The following CPT1A variants were observed in gnomAD, a reference collection of about 807,000 sequenced individuals.
CPT1A encodes carnitine O-palmitoyltransferase 1, liver isoform.
Under a neutral mutation model 100.8 loss-of-function variants are expected in CPT1A, and 64 were observed. The observed-to-expected ratio is 0.63, with a 90% CI of 0.52 to 0.78. CPT1A has a LOEUF of 0.78. Among genes scored for constraint, CPT1A ranks in the 30% least tolerant of loss-of-function variants. The pLI, the probability that CPT1A is intolerant of heterozygous loss-of-function variation, is 0.00. For missense variants in CPT1A, 802 were observed against 1,034.1 expected (o/e 0.78, Z 3.08); for synonymous variants, 363 against 396.0 (o/e 0.92, Z 0.99).
intron 2 of CPT1A, among the ~76,000 whole-genome samples, chr11:68,814,860 T>C (rs1426247030): frequency 6.6e-6 from 1 of 152,000 alleles, no homozygotes; most frequent in African/African-American, 2.4e-5. Flanking sequence ...CTAATTTTTC[T>C]ATTTTTTGTA....
Position 68,793,375 on chromosome 11 carries a change from G to A in CPT1A, c.907C>T (p.Leu303Phe). 6.2e-7 allele frequency: 1 copy of A among 1,611,592 alleles called. No homozygotes were observed. Among genetic ancestry groups the A allele is most frequent in the Non-Finnish European group, 8.5e-7 (1 of 1,178,854 alleles). ...PIRLLGSTIP[L>F]CSAQWERMFN... Reference sequence around the variant, plus strand: ...ATCCGCTCCCACTGAGCGGAGCAGAGTGGAATCGTGGATCCCAAAAGACGA... The same window carrying A: ...ATCCGCTCCCACTGAGCGGAGCAGAATGGAATCGTGGATCCCAAAAGACGA... Residue 303 changes from leucine to phenylalanine, a missense_variant, in exon 9 of 19, where the codon CTC becomes TTC. This residue lies in a region of CPT1A where 627 missense variants were observed against 799.3 expected (regional missense o/e 0.78). Transcript: ENST00000265641.
intron 18 of CPT1A, among the ~76,000 whole-genome samples, chr11:68,759,366 G>C (rs1446857103): frequency 6.6e-6 from 1 of 151,608 alleles, no homozygotes; most frequent in African/African-American, 2.4e-5. Flanking sequence ...CTGCACTCCA[G>C]CCTGGGCGAC....
chr11:68,799,633 T>C (rs548093689), intron 5 of CPT1A, among the ~76,000 whole-genome samples: 8 of 152,026 alleles, frequency 5.3e-5, no homozygotes, highest in Non-Finnish European at 1.0e-4. Context: ...TGCATGTCTG[T>C]GGTCCCAGCT....
At chr11:68,768,233 G>A (rs1197431747) in intron 14 of CPT1A, among the ~76,000 whole-genome samples, 1 of 149,184 alleles carries the variant, frequency 6.7e-6, no homozygotes, top group Non-Finnish European at 1.5e-5. Context: ...CCGCCACCGC[G>A]CCCGGCTAAT....
Position 68,762,731 on chromosome 11 carries a change from C to T in CPT1A, c.1771G>A (p.Ala591Thr). 1.2e-6 allele frequency: 2 copies of T among 1,614,096 alleles called. No homozygotes were observed. The highest frequency in any genetic ancestry group is 1.7e-6 in the Non-Finnish European group (2 of 1,180,024). The change falls in exon 15 of 19, where the codon GCC becomes ACC. Residue 591 changes from alanine to threonine, a missense_variant. This residue lies in a region of CPT1A where 627 missense variants were observed against 799.3 expected (regional missense o/e 0.78). Coordinates refer to ENST00000265641, the MANE Select transcript of CPT1A (RefSeq NM_001876.4). ...DMGKFCLTYE[A>T]SMTRLFREGR... ...TCTCGGAAGAGCCGGGTCATGGAGG[C>T]CTCGTATGTGAGGCAAAACTTGCCC...
intron 4 of CPT1A, among the ~76,000 whole-genome samples, chr11:68,806,758 C>A (rs1302087329): frequency 6.6e-6 from 1 of 151,854 alleles, no homozygotes; most frequent in East Asian, 1.9e-4. Flanking sequence ...GGTAAAACCC[C>A]GTCTCTACTA....
intron 1 of CPT1A, among the ~76,000 whole-genome samples, chr11:68,823,745 T>G (rs1856647668): frequency 1.3e-5 from 2 of 149,862 alleles, no homozygotes; most frequent in East Asian, 2.0e-4. Context: ...GCTGAGATCA[T>G]GCCATTGCAC....
intron 11 of CPT1A, 106 bp downstream of exon 11, chr11:68,781,665 C>A: frequency 1.0e-6 from 1 of 999,398 alleles, no homozygotes; most frequent in Non-Finnish European, 1.6e-6. Context: ...TTTATGCCAC[C>A]TTCTTTCTTA....
At chr11:68,784,741 G>A (rs1855406308) in intron 10 of CPT1A, 74 bp downstream of exon 10, 18 of 1,430,844 alleles carry the variant, frequency 1.3e-5, no homozygotes, top group African/African-American at 2.8e-5. Flanking sequence ...ACAGGCCCTG[G>A]TGGGGATGGG....
At chr11:68,831,876 G>A (rs548179655) in intron 1 of CPT1A, among the ~76,000 whole-genome samples, 6 of 151,902 alleles carry the variant, frequency 3.9e-5, no homozygotes, top group South Asian at 2.1e-4. Context: ...CAAGCGATCC[G>A]TCTGCCTTGG....
intron 1 of CPT1A, among the ~76,000 whole-genome samples, chr11:68,816,601 C>G (rs371798147): frequency 1.3e-5 from 2 of 152,344 alleles, no homozygotes; most frequent in African/African-American, 4.8e-5. Context: ...AGCCCACCCC[C>G]ATCCCCTCCT....
upstream of CPT1A, among the ~76,000 whole-genome samples, chr11:68,843,727 C>G (rs943783349): frequency 1.3e-5 from 2 of 152,248 alleles, no homozygotes; most frequent in African/African-American, 4.8e-5. The surrounding 1 kb of genome is among the most constrained non-coding windows in gnomAD (Gnocchi z 4.0). Context: ...AGCCCAGGCA[C>G]TCGACCCCCG....
Position 68,815,411 on chromosome 11 carries a change from G to T in CPT1A, c.64C>A (p.Arg22=). ...FTVTPDGIDL[R]LSHEALRQIY... Reference sequence around the variant, plus strand: ...TGTCTAAGAGCTTCATGGCTCAGCCGCAGGTCAATCCCGTCCGGAGTGACC... The same window carrying T: ...TGTCTAAGAGCTTCATGGCTCAGCCTCAGGTCAATCCCGTCCGGAGTGACC... The change falls in exon 2 of 19, where the codon CGG becomes AGG. Residue 22 remains arginine (R), a synonymous_variant. Coordinates refer to ENST00000265641, the MANE Select transcript of CPT1A (RefSeq NM_001876.4). The T allele has an allele frequency of 6.2e-7, 1 of 1,614,068 alleles. No individual in the cohort carries two copies. Among genetic ancestry groups the T allele is most frequent in the South Asian group, 1.1e-5 (1 of 91,086 alleles).
chr11:68,811,489 A>C (rs565011180), intron 3 of CPT1A, among the ~76,000 whole-genome samples: 3 of 152,072 alleles, frequency 2.0e-5, no homozygotes, highest in Admixed American at 1.3e-4. Context: ...TGGACGTTCA[A>C]ATGGTGGTAA....
intron 5 of CPT1A, 126 bp from the exon 6 acceptor site, chr11:68,799,481 G>A: frequency 9.6e-7 from 1 of 1,042,206 alleles, no homozygotes. Context: ...GGGCATGGTG[G>A]CTCATGCTTG....
chr11:68,842,813 G>A (rs111895348), upstream of CPT1A, among the ~76,000 whole-genome samples: 27 of 152,180 alleles, frequency 1.8e-4, no homozygotes, highest in African/African-American at 6.0e-4. Flanking sequence ...GAGGGGGAGG[G>A]AGAGGGGCCC....
At chr11:68,769,841 G>C (rs570024236) in intron 14 of CPT1A, among the ~76,000 whole-genome samples, 49 of 152,210 alleles carry the variant, frequency 3.2e-4, no homozygotes, top group Admixed American at 1.3e-3. Flanking sequence ...TTGAGGTCAG[G>C]AGCTCGAGAC....
Position 68,766,901 on chromosome 11 carries a change from G to C in CPT1A, c.1741-4140C>G, listed in dbSNP as rs933035520. Among the ~76,000 whole-genome samples the C allele has an allele frequency of 2.0e-5, 3 of 151,868 alleles. No individual in the cohort carries two copies. In the East Asian group the frequency reaches 5.8e-4, roughly 29 times the overall value. ...TAATATTTTGCATTTATCCTTTCTA[G>C]ACTTTGCATGTAACAAAGCAAGAGT... On this transcript the variant is annotated intron_variant, in intron 14 of 18. Transcript: ENST00000265641.
chr11:68,769,536 AC>A (rs1402779324), intron 14 of CPT1A, among the ~76,000 whole-genome samples: 20 of 151,666 alleles, frequency 1.3e-4, no homozygotes, highest in South Asian at 2.1e-4. Flanking sequence ...TAGGACTGAG[AC>A]CACTTTAATC....
Sources: gnomAD v4.1 joint callset for allele counts (sites outside exome capture counted in the v4.1 genomes callset) on GRCh38, gnomAD v4.1.1 for gene constraint, gnomAD v4.1.1 regional missense constraint, Gnocchi (gnomAD v3.1) non-coding constraint, MANE v1.5 for transcripts, NCBI Gene and HGNC (gene_info 2026-07-23, HGNC 2026-07-21) for gene names.